SLC23A2: variants seen among roughly 807,000 people sequenced by gnomAD.
SLC23A2 encodes solute carrier family 23 member 2.
SLC23A2 carries 36 observed loss-of-function variants against 73.3 expected under a neutral mutation model. The observed-to-expected ratio is 0.49, with a 90% CI of 0.38 to 0.65. SLC23A2 has a LOEUF of 0.65. SLC23A2 is among the 30% of genes least tolerant of loss of function. SLC23A2 has a pLI of 0.00. For missense variants in SLC23A2, 507 were observed against 841.6 expected (o/e 0.60, Z 4.92); for synonymous variants, 343 against 327.3 (o/e 1.05, Z -0.52).
intron 2 of SLC23A2, among the ~76,000 whole-genome samples, chr20:4,951,287 G>A (rs1024437071): frequency 1.3e-5 from 2 of 152,166 alleles, no homozygotes; most frequent in African/African-American, 4.8e-5. Flanking sequence ...AAGACGCTGA[G>A]GTGGGGAAGA....
chr20:4,903,819 T>C (rs1396792091), intron 4 of SLC23A2, among the ~76,000 whole-genome samples: 2 of 152,206 alleles, frequency 1.3e-5, no homozygotes, highest in East Asian at 3.8e-4. Flanking sequence ...CTTTAAAAAC[T>C]TGTTGGGAGA....
chr20:4,897,971 G>A (rs1263992109), intron 6 of SLC23A2, among the ~76,000 whole-genome samples: 1 of 152,238 alleles, frequency 6.6e-6, no homozygotes, highest in Admixed American at 6.5e-5. Context: ...CAGAGAACCA[G>A]TGCTCCATGG....
chr20:4,983,245 C>T (rs1179880407), intron 1 of SLC23A2, among the ~76,000 whole-genome samples: 1 of 152,082 alleles, frequency 6.6e-6, no homozygotes, highest in East Asian at 1.9e-4. Context: ...ATCTTTATGA[C>T]CTTGGGTTAG....
At chr20:4,994,688 G>A (rs1185026276) in intron 1 of SLC23A2, among the ~76,000 whole-genome samples, 1 of 151,970 alleles carries the variant, frequency 6.6e-6, no homozygotes, top group Non-Finnish European at 1.5e-5. Context: ...TTGAACCCAT[G>A]AGGCGGAGGT....
intron 4 of SLC23A2, among the ~76,000 whole-genome samples, chr20:4,903,062 T>C (rs1931810642): frequency 6.8e-6 from 1 of 146,088 alleles, no homozygotes; most frequent in South Asian, 2.2e-4. Flanking sequence ...CCAAACACTA[T>C]TGCTCAGATA....
At chr20:4,886,892 G>A (rs1239770690) in intron 6 of SLC23A2, among the ~76,000 whole-genome samples, 1 of 152,128 alleles carries the variant, frequency 6.6e-6, no homozygotes, top group Admixed American at 6.5e-5. Context: ...TTCCCTTTGA[G>A]CTGTCTGGCA....
rs150580365 is a variant in SLC23A2 at position 4,928,723 on chromosome 20, A to C, written c.108+3732T>G. ...TAAAAATTCCATAACATCCTTAATT[A>C]AATGGCTCTACTGTTAAATCAACTT... On this transcript the variant is annotated intron_variant, in intron 3 of 16. Coordinates refer to ENST00000338244, the MANE Select transcript of SLC23A2 (RefSeq NM_005116.6). 6.1e-3 allele frequency among the ~76,000 whole-genome samples: 931 copies of C among 152,346 alleles called. 12 individuals are homozygous for C. The highest frequency in any genetic ancestry group is 0.02 in the African/African-American group (844 of 41,566).
intron 2 of SLC23A2, among the ~76,000 whole-genome samples, chr20:4,961,282 C>CATG (rs2087382542): frequency 6.6e-6 from 1 of 151,950 alleles, no homozygotes; most frequent in Admixed American, 6.6e-5. Flanking sequence ...GGGGTTTCAC[C>CATG]TTGTTAGCCA....
At chr20:4,953,219 T>C (rs948444725) in intron 2 of SLC23A2, among the ~76,000 whole-genome samples, 9 of 151,958 alleles carry the variant, frequency 5.9e-5, no homozygotes, top group African/African-American at 1.2e-4. Flanking sequence ...GGCAGTACAA[T>C]CACTTGAACC....
At chr20:4,910,042 C>T (rs1262123894) in intron 4 of SLC23A2, among the ~76,000 whole-genome samples, 5 of 152,166 alleles carry the variant, frequency 3.3e-5, no homozygotes, top group Admixed American at 3.3e-4. Flanking sequence ...ACATGCCACT[C>T]TGCTCACACT....
At chr20:4,917,069 C>A (rs1184795836) in intron 3 of SLC23A2, among the ~76,000 whole-genome samples, 1 of 152,194 alleles carries the variant, frequency 6.6e-6, no homozygotes, top group African/African-American at 2.4e-5. Flanking sequence ...GTATCCCAGG[C>A]AATGAGAATG....
chr20:4,869,556 CA>C (rs1368184979), intron 12 of SLC23A2: 4,355 of 221,996 alleles, frequency 0.02, 206 homozygotes, highest in African/African-American at 0.091. Flanking sequence ...CACACACACA[CA>C]CACCCCAAAA....
rs1929732608 is a variant in SLC23A2 at position 4,856,905 on chromosome 20, C to G, written c.*67G>C. 1 of 986,820 alleles carries G rather than the reference C, an allele frequency of 1.0e-6. No homozygotes were observed. Among genetic ancestry groups the G allele is most frequent in the South Asian group, 1.4e-5 (1 of 72,746 alleles). The allele number at this position is 986,820 out of a possible 1,614,324, so 61.1% of individuals were successfully genotyped here. A position where few individuals can be genotyped will look rare whatever the true frequency, so the allele number is the denominator to read the frequency against. On this transcript the variant is annotated 3_prime_UTR_variant, in exon 17 of 17. Transcript: ENST00000338244. This position sits in a 1 kb window ranked among gnomAD's most constrained non-coding sequence, Gnocchi z 4.6. ...AGATATACAAACATGTATTTTACTT[C>G]TTGTTACTCAGCAAGGAACTACAGA...
intron 3 of SLC23A2, among the ~76,000 whole-genome samples, chr20:4,924,883 C>A (rs112930434): frequency 2.0e-5 from 3 of 152,322 alleles, no homozygotes; most frequent in Admixed American, 6.5e-5. Context: ...CTGTCTCCCA[C>A]ACCAGAATGA....
intron 4 of SLC23A2, among the ~76,000 whole-genome samples, chr20:4,908,317 G>A (rs1388132490): frequency 1.3e-5 from 2 of 152,054 alleles, no homozygotes; most frequent in Non-Finnish European, 2.9e-5. Context: ...CTACAGTGAC[G>A]AACCTAAGCT....
intron 1 of SLC23A2, among the ~76,000 whole-genome samples, chr20:4,999,663 G>A (rs1382525632): frequency 6.6e-6 from 1 of 151,822 alleles, no homozygotes; most frequent in Non-Finnish European, 1.5e-5. Flanking sequence ...AAAGTGCTGG[G>A]ATTACAGGTG....
intron 2 of SLC23A2, among the ~76,000 whole-genome samples, chr20:4,959,264 A>G (rs1374505246): frequency 2.6e-5 from 4 of 152,170 alleles, no homozygotes; most frequent in African/African-American, 9.6e-5. Flanking sequence ...TAAAATGGCT[A>G]GAACAAAAAC....
At chr20:4,926,830 G>A (rs986662838) in intron 3 of SLC23A2, among the ~76,000 whole-genome samples, 2 of 151,858 alleles carry the variant, frequency 1.3e-5, no homozygotes, top group Non-Finnish European at 2.9e-5. Flanking sequence ...TTAAAGATCT[G>A]GGAAGCACTC....
chr20:4,908,807 G>T (rs1932045149), intron 4 of SLC23A2, among the ~76,000 whole-genome samples: 1 of 152,144 alleles, frequency 6.6e-6, no homozygotes. Context: ...GCACGCCTGT[G>T]ATCCCAGCTA....
Sources: gnomAD v4.1 joint callset for allele counts (sites outside exome capture counted in the v4.1 genomes callset) on GRCh38, gnomAD v4.1.1 for gene constraint, Gnocchi (gnomAD v3.1) non-coding constraint, MANE v1.5 for transcripts, NCBI Gene and HGNC (gene_info 2026-07-23, HGNC 2026-07-21) for gene names.